The following OSBPL8 variants were observed in gnomAD, a reference collection of about 807,000 sequenced individuals.
OSBPL8 encodes the protein oxysterol binding protein like 8.
Under a neutral mutation model 125.5 loss-of-function variants are expected in OSBPL8, and 59 were observed. The observed-to-expected ratio is 0.47, with a 90% CI of 0.38 to 0.58. The LOEUF (loss-of-function observed/expected upper bound fraction) is 0.58, where lower values mean the gene tolerates loss of function less well. OSBPL8 is among the 20% of genes least tolerant of loss of function. OSBPL8 has a pLI of 0.00. For synonymous variants in OSBPL8, 330 were observed against 338.9 expected, an observed-to-expected ratio of 0.97 and a Z score of 0.29; for missense variants, 758 against 1,047.8, an observed-to-expected ratio of 0.72 and a Z score of 3.82.
At position 76,526,708 on chromosome 12, in the gene OSBPL8, T is replaced by C. The variant is rs1950188471; in HGVS notation, c.-68+32689A>G. On this transcript the variant is annotated intron_variant, in intron 1 of 23. Transcript: ENST00000261183. The stretch of plus-strand genomic sequence containing the variant: ...CTCTGTCACCTGGGCTGGAGTGCAA[T>C]GGTGCGATCTCGGCTCACCACAACC... 3.8e-5 allele frequency among the ~76,000 whole-genome samples: 5 copies of C among 130,180 alleles called. No homozygotes were observed. In the Admixed American group the frequency reaches 4.9e-4, roughly 13 times the overall value. The allele number at this position is 130,180 out of a possible 152,430, so 85.4% of individuals were successfully genotyped here.
chr12:76,490,449 G>A (rs1230279015), intron 1 of OSBPL8, among the ~76,000 whole-genome samples: 1 of 152,210 alleles, frequency 6.6e-6, no homozygotes, highest in Non-Finnish European at 1.5e-5. Context: ...CGGGGACTAT[G>A]GCTGGACGTT....
In OSBPL8 at chr12:76,355,647, A is replaced by T; in HGVS notation, c.*242T>A. On this transcript the variant is annotated 3_prime_UTR_variant, in exon 24 of 24. Transcript: ENST00000261183. ...GTTTATTATACTCATATGTAGACACATTCTCACAAAAGCTAGAAATGTCCT... is the reference window on the plus strand; with the variant it reads ...GTTTATTATACTCATATGTAGACACTTTCTCACAAAAGCTAGAAATGTCCT... The T allele has an allele frequency of 9.4e-6, 4 of 424,190 alleles. No individual in the cohort carries two copies. In the South Asian group the frequency reaches 1.3e-4, roughly 13 times the overall value. The allele number at this position is 424,190 out of a possible 1,614,324, so 26.3% of individuals were successfully genotyped here.
rs192237903 is a variant in OSBPL8, at chr12:76,543,623, G to A, written c.-68+15774C>T. Reference sequence around the variant, plus strand: ...GCCATTCAGTCACATATAATGCTAAGATAATTTTTGCAAAAAAATTTAACT... The same window carrying A: ...GCCATTCAGTCACATATAATGCTAAAATAATTTTTGCAAAAAAATTTAACT... On this transcript the variant is annotated intron_variant, in intron 1 of 23. Coordinates refer to ENST00000261183, the MANE Select transcript of OSBPL8 (RefSeq NM_020841.5). 2.3e-3 allele frequency among the ~76,000 whole-genome samples: 347 copies of A among 152,106 alleles called. 1 individual carries two copies. Among genetic ancestry groups the A allele is most frequent in the Non-Finnish European group, 4.0e-3 (274 of 67,990 alleles).
chr12:76,378,029 T>C (rs1014413428), intron 16 of OSBPL8, among the ~76,000 whole-genome samples: 4 of 152,074 alleles, frequency 2.6e-5, no homozygotes, highest in African/African-American at 9.7e-5. Flanking sequence ...CATTAAGAAA[T>C]TGCCAAATGA....
Position 76,352,339 on chromosome 12 carries a change from T to G in OSBPL8, c.*3550A>C, listed in dbSNP as rs1951854665. 6.6e-6 allele frequency: 1 copy of G among 152,576 alleles called. No individual in the cohort carries two copies. Among genetic ancestry groups the G allele is most frequent in the Non-Finnish European group, 1.5e-5 (1 of 68,006 alleles). The allele number at this position is 152,576 out of a possible 1,614,324, so 9.5% of individuals were successfully genotyped here. On this transcript the variant is annotated 3_prime_UTR_variant, in exon 24 of 24. Transcript: ENST00000261183. ...CTTCTAAATATATTAATCATATTAATAAGACACTGGTCCTATACAATTTCA... is the reference window on the plus strand; with the variant it reads ...CTTCTAAATATATTAATCATATTAAGAAGACACTGGTCCTATACAATTTCA...
At chr12:76,429,410 T>C (rs1244642318) in intron 4 of OSBPL8, among the ~76,000 whole-genome samples, 1 of 151,912 alleles carries the variant, frequency 6.6e-6, no homozygotes, top group East Asian at 1.9e-4. Flanking sequence ...TATGAATGAG[T>C]ACATGTTCAT....
At chr12:76,508,929 C>G (rs906209795) in intron 1 of OSBPL8, among the ~76,000 whole-genome samples, 1 of 152,130 alleles carries the variant, frequency 6.6e-6, no homozygotes, top group Non-Finnish European at 1.5e-5. Flanking sequence ...GATGAGCAGC[C>G]CATGCTGCTG....
At chr12:76,514,150 G>T (rs1881293177) in intron 1 of OSBPL8, among the ~76,000 whole-genome samples, 2 of 151,894 alleles carry the variant, frequency 1.3e-5, no homozygotes, top group South Asian at 4.1e-4. Context: ...TGTCTGAAAA[G>T]GATCTTTTTT....
chr12:76,479,448 T>C (rs1389930945), intron 2 of OSBPL8, among the ~76,000 whole-genome samples: 8 of 152,242 alleles, frequency 5.3e-5, no homozygotes, highest in Non-Finnish European at 4.4e-5. Context: ...ATAATCATTC[T>C]TTCCAGCCTC....
At chr12:76,549,703 G>C (rs1444975628) in intron 1 of OSBPL8, among the ~76,000 whole-genome samples, 3 of 152,128 alleles carry the variant, frequency 2.0e-5, no homozygotes, top group Non-Finnish European at 4.4e-5. Flanking sequence ...CTTCTAATCA[G>C]CATCCCTAGA....
chr12:76,354,625 T>C lies in OSBPL8; in HGVS notation c.*1264A>G, dbSNP rs970761426. 6.6e-6 allele frequency: 1 copy of C among 151,722 alleles called. No individual in the cohort carries two copies. The highest frequency in any genetic ancestry group is 2.4e-5 in the African/African-American group (1 of 41,364). The allele number at this position is 151,722 out of a possible 1,614,324, so 9.4% of individuals were successfully genotyped here. ...CTAAACTGAACTACCTTGGCAAAAA[T>C]TGCTTTCAAGGAATATAAATATTTA... On this transcript the variant is annotated 3_prime_UTR_variant, in exon 24 of 24. Transcript: ENST00000261183.
Position 76,402,776 on chromosome 12 carries a change from T to C in OSBPL8, c.289-10A>G, listed in dbSNP as rs368478874. On this transcript the variant is annotated splice_polypyrimidine_tract_variant and intron_variant, in intron 5 of 23. Coordinates refer to ENST00000261183, the MANE Select transcript of OSBPL8 (RefSeq NM_020841.5). ...AAAGTTTAGATTCAGACTGAAATCA[T>C]ACAGAAACAAGAGAAATTAAATCCT... 674 of 1,550,146 alleles carry C rather than the reference T, an allele frequency of 4.3e-4. 8 individuals carry two copies. In the South Asian group the frequency reaches 4.5e-3, roughly 10 times the overall value.
In OSBPL8 at chr12:76,389,727, C is replaced by T; in HGVS notation, c.1270G>A (p.Val424Ile). 2 of 1,608,742 alleles carry T rather than the reference C, an allele frequency of 1.2e-6. No homozygotes were observed. Among genetic ancestry groups the T allele is most frequent in the South Asian group, 2.2e-5 (2 of 90,248 alleles). Residue 424 changes from valine to isoleucine, a missense_variant, in exon 12 of 24, where the codon GTT becomes ATT. Physicochemically the swap from Val to Ile is conservative, Grantham distance 29. This residue lies in a region of OSBPL8 where 572 missense variants were observed against 762.0 expected (regional missense o/e 0.75). Coordinates refer to ENST00000261183, the MANE Select transcript of OSBPL8 (RefSeq NM_020841.5). ...GGTTCCAAAATAAATGTAGGCAGAA[C>T]CACCTTGGATAGGTCCATGCCAGGA... The part of the protein sequence containing the change: ...VRPGMDLSKV[V>I]LPTFILEPRS...
chr12:76,524,896 C>T (rs1950127898), intron 1 of OSBPL8, among the ~76,000 whole-genome samples: 1 of 152,088 alleles, frequency 6.6e-6, no homozygotes, highest in East Asian at 1.9e-4. Context: ...GTTGGCCAGG[C>T]TGGTCTCGAA....
chr12:76,546,216 C>G (rs889279768), intron 1 of OSBPL8, among the ~76,000 whole-genome samples: 1 of 152,160 alleles, frequency 6.6e-6, no homozygotes, highest in African/African-American at 2.4e-5. Flanking sequence ...CTACTGTTTA[C>G]TATTAACCTC....
intron 5 of OSBPL8, among the ~76,000 whole-genome samples, chr12:76,403,059 T>C (rs1226494895): frequency 6.6e-6 from 1 of 152,164 alleles, no homozygotes; most frequent in African/African-American, 2.4e-5. Context: ...CATATATAAT[T>C]ATTTAGTTAT....
At chr12:76,453,006 T>C (rs1239065986) in intron 3 of OSBPL8, among the ~76,000 whole-genome samples, 1 of 152,172 alleles carries the variant, frequency 6.6e-6, no homozygotes, top group East Asian at 1.9e-4. Context: ...TGGCATTTTT[T>C]TTTTTTTAGG....
intron 1 of OSBPL8, among the ~76,000 whole-genome samples, chr12:76,557,440 C>T (rs547860527): frequency 1.4e-4 from 21 of 151,980 alleles, no homozygotes; most frequent in African/African-American, 4.3e-4. Context: ...CATGGTGAAA[C>T]CCCATCTCTA....
chr12:76,381,618 C>A (rs1189110842), intron 15 of OSBPL8, among the ~76,000 whole-genome samples: 1 of 151,998 alleles, frequency 6.6e-6, no homozygotes, highest in East Asian at 1.9e-4. Flanking sequence ...TGTTCTTTAT[C>A]TCTATTAACA....
Sources: gnomAD v4.1 joint callset for allele counts (sites outside exome capture counted in the v4.1 genomes callset) on GRCh38, gnomAD v4.1.1 for gene constraint, gnomAD v4.1.1 regional missense constraint, MANE v1.5 for transcripts, NCBI Gene and HGNC (gene_info 2026-07-23, HGNC 2026-07-21) for gene names.